Variants in CDC42BPG observed in about 807,000 individuals in gnomAD.
The protein encoded by CDC42BPG is serine/threonine-protein kinase MRCK gamma.
CDC42BPG carries 157 observed loss-of-function variants against 192.2 expected under a neutral mutation model. The ratio of observed to expected loss-of-function variants is 0.82; its 90% CI spans 0.72 to 0.93. CDC42BPG has a LOEUF of 0.93. Among genes scored for constraint, CDC42BPG ranks in the 40% least tolerant of loss-of-function variants. CDC42BPG has a pLI of 0.00. For missense variants in CDC42BPG, 1,992 were observed against 2,122.1 expected, an observed-to-expected ratio of 0.94 and a Z score of 1.20; for synonymous variants, 981 against 918.5, an observed-to-expected ratio of 1.07 and a Z score of -1.23.
At chr11:64,843,259 C>T (rs565447364) in intron 1 of CDC42BPG, among the ~76,000 whole-genome samples, 128 of 152,032 alleles carry the variant, frequency 8.4e-4, no homozygotes, top group Admixed American at 8.5e-4. Flanking sequence ...GCCCCCATGC[C>T]GGGGTCCCAG....
chr11:64,836,671 C>T, intron 11 of CDC42BPG, 68 bp downstream of exon 11: 1 of 1,064,996 alleles, frequency 9.4e-7, no homozygotes, highest in Non-Finnish European at 1.3e-6. Context: ...TTGTCCAGGG[C>T]AGGGCAGGAC....
In CDC42BPG at chr11:64,835,530, C is replaced by G. The variant is rs147422193; in HGVS notation, c.1850G>C (p.Arg617Pro). The G allele has an allele frequency of 6.3e-7, 1 of 1,594,806 alleles. No individual in the cohort carries two copies. Among genetic ancestry groups the G allele is most frequent in the Non-Finnish European group, 8.5e-7 (1 of 1,174,086 alleles). Residue 617 changes from arginine (R) to proline (P), a missense_variant, in exon 15 of 37, where the codon CGA becomes CCA. Coordinates refer to ENST00000342711, the MANE Select transcript of CDC42BPG (RefSeq NM_017525.3). ...AQLRKEVAAL[R>P]EQLEQAHSHR... ...GCTGTGGGCCTGCTCCAGCTGCTCTCGCAGGGCGGCCACCTCCTTCCTCAG... is the reference window on the plus strand; with the variant it reads ...GCTGTGGGCCTGCTCCAGCTGCTCTGGCAGGGCGGCCACCTCCTTCCTCAG...
In CDC42BPG at chr11:64,835,360, C is replaced by A. The variant is rs202075477; in HGVS notation, c.1940G>T (p.Arg647Leu). 5 of 1,614,010 alleles carry A rather than the reference C, an allele frequency of 3.1e-6. No homozygotes were observed. The South Asian group carries it at 5.5e-5, about 18-fold the overall frequency. ...QLQEENRRLS[R>L]EQERLEAELA... ...TACCCTGCTCACCCGCTCCTGCTCC[C>A]GGCTCAGCCTCCGGTTTTCCTCCTG... is the stretch of plus-strand genomic sequence containing the variant. Residue 647 changes from arginine to leucine, a missense_variant, in exon 16 of 37, where the codon CGG becomes CTG. Arg to Leu is a moderately radical substitution (Grantham distance 102, BLOSUM62 -2). Transcript: ENST00000342711.
Position 64,832,910 on chromosome 11 carries a change from G to A in CDC42BPG, c.2781C>T (p.Cys927=), listed in dbSNP as rs199644473. The part of the protein sequence containing the change: ...HTTCAPQAPP[C]PVPPDLLRTA... The stretch of plus-strand genomic sequence containing the variant: ...TGCGGAGGAGGTCAGGGGGCACGGG[G>A]CAGGGTGGGGCCTGTGGGGCACAGG... The change falls in exon 25 of 37, where the codon TGC becomes TGT. Residue 927 remains cysteine, a synonymous_variant. Transcript: ENST00000342711. The A allele has an allele frequency of 2.1e-4, 319 of 1,549,008 alleles. 2 individuals carry two copies. Among genetic ancestry groups the A allele is most frequent in the Middle Eastern group, 3.6e-4 (2 of 5,578 alleles).
At position 64,832,366 on chromosome 11, in the gene CDC42BPG, C is replaced by A; in HGVS notation, c.3087+62G>T. On this transcript the variant is annotated intron_variant, in intron 27 of 36. Transcript: ENST00000342711. ...GCAGTATGAAGTGGGGGGACAGTGG[C>A]CAGAGCTGGGACAGCATGGGGAGGT... The A allele has an allele frequency of 3.9e-6, 6 of 1,535,664 alleles. No homozygotes were observed. In the South Asian group the frequency reaches 7.0e-5, roughly 18 times the overall value.
chr11:64,840,114 C>A lies in CDC42BPG; in HGVS notation c.581+6G>T. 1 of 1,609,896 alleles carries A rather than the reference C, an allele frequency of 6.2e-7. No homozygotes were observed. The highest frequency in any genetic ancestry group is 8.5e-7 in the Non-Finnish European group (1 of 1,178,458). On this transcript the variant is annotated splice_donor_region_variant and intron_variant, in intron 5 of 36. Coordinates refer to ENST00000342711, the MANE Select transcript of CDC42BPG (RefSeq NM_017525.3). ...GTTGGGCAGGGCAGCGGGGTTGGGG[C>A]CCCACCTGTGGACATAACCCAGCTG...
chr11:64,834,272 G>C lies in CDC42BPG; in HGVS notation c.2407C>G (p.Pro803Ala). Residue 803 changes from proline (P) to alanine (A), a missense_variant, in exon 20 of 37, where the codon CCA becomes GCA. Pro to Ala is a conservative substitution (Grantham distance 27). Transcript: ENST00000342711. ...MLREELRARG[P>A]VDTKPSNSLI... ...GCAGTTGGCAGCCACTCACCCACTG[G>C]CCCTCGGGCCCGCAGCTCCTCCCGC... 6.4e-7 allele frequency: 1 copy of C among 1,570,428 alleles called. No individual in the cohort carries two copies. Among genetic ancestry groups the C allele is most frequent in the South Asian group, 1.2e-5 (1 of 86,714 alleles).
chr11:64,841,582 C>T, intron 3 of CDC42BPG, 68 bp downstream of exon 3: 3 of 1,394,842 alleles, frequency 2.2e-6, no homozygotes, highest in Non-Finnish European at 3.0e-6. Flanking sequence ...GCCATAGGCC[C>T]TGGCAGCATA....
At position 64,831,577 on chromosome 11, in the gene CDC42BPG, C is replaced by A; in HGVS notation, c.3232G>T (p.Val1078Leu). The A allele has an allele frequency of 6.2e-7, 1 of 1,612,550 alleles. No homozygotes were observed. The highest frequency in any genetic ancestry group is 2.2e-5 in the East Asian group (1 of 44,886). ...LLDARPRPRP[V>L]YTLKEAYDNG... ...TCGTAAGCCTCCTTGAGTGTGTACA[C>A]GGGCCGGGGTCTTGGCCGCGCGTCC... The change falls in exon 28 of 37, where the codon GTG (valine) becomes TTG (leucine). Residue 1078 changes from valine to leucine, a missense_variant. Around this residue, in one of 2 missense-constraint regions of CDC42BPG, gnomAD observed 1,656 missense variants for 1,844.3 expected, o/e 0.90. Transcript: ENST00000342711.
Position 64,833,580 on chromosome 11 carries a change from T to A in CDC42BPG, c.2625+20A>T, listed in dbSNP as rs1275444033. ...GAACTGCTTGGTGCCCCCACCCTGC[T>A]TGCCCCTCTGGGCACTGACCTTAGC... On this transcript the variant is annotated intron_variant, in intron 23 of 36. Transcript: ENST00000342711. 1 of 1,597,284 alleles carries A rather than the reference T, an allele frequency of 6.3e-7. No individual in the cohort carries two copies. The highest frequency in any genetic ancestry group is 1.7e-5 in the Admixed American group (1 of 57,212).
intron 24 of CDC42BPG, 23 bp downstream of exon 24, chr11:64,833,208 G>C (rs978307134): frequency 6.6e-7 from 1 of 1,512,432 alleles, no homozygotes; most frequent in Non-Finnish European, 9.0e-7. Flanking sequence ...CGTGGCTGGA[G>C]CATAGTGGGT....
Position 64,830,087 on chromosome 11 carries a change from G to T in CDC42BPG, c.3368-17C>A, listed in dbSNP as rs746562624. 6.2e-7 allele frequency: 1 copy of T among 1,612,560 alleles called. No homozygotes were observed. The highest frequency in any genetic ancestry group is 8.5e-7 in the Non-Finnish European group (1 of 1,179,468). The stretch of plus-strand genomic sequence containing the variant: ...GGAAGATGTCTGCAGGGTTGGCGAG[G>T]GGAGAGTGTCACTGGCAGGTGGTTG... On this transcript the variant is annotated splice_polypyrimidine_tract_variant and intron_variant, in intron 29 of 36. Transcript: ENST00000342711.
At position 64,826,430 on chromosome 11, in the gene CDC42BPG, G is replaced by A. The variant is rs761238022; in HGVS notation, c.4599+40C>T. On this transcript the variant is annotated intron_variant, in intron 36 of 36. Transcript: ENST00000342711. ...CTAGCATAAAACGGAACTGCCTGAC[G>A]TTTGAATAGGGGACGGACAAGCCTC... 88 of 1,438,470 alleles carry A rather than the reference G, an allele frequency of 6.1e-5. 1 individual carries two copies. The highest frequency in any genetic ancestry group is 7.7e-5 in the Non-Finnish European group (80 of 1,039,828). The allele number at this position is 1,438,470 out of a possible 1,614,324, so 89.1% of individuals were successfully genotyped here.
Position 64,835,361 on chromosome 11 carries a change from G to A in CDC42BPG, c.1939C>T (p.Arg647Trp), listed in dbSNP as rs140640111. 2.1e-4 allele frequency: 335 copies of A among 1,613,920 alleles called. No homozygotes were observed. Among genetic ancestry groups the A allele is most frequent in the African/African-American group, 3.9e-4 (29 of 75,026 alleles). ...QLQEENRRLS[R>W]EQERLEAELA... is the part of the protein sequence containing the mutation. ...ACCCTGCTCACCCGCTCCTGCTCCC[G>A]GCTCAGCCTCCGGTTTTCCTCCTGC... is the stretch of plus-strand genomic sequence containing the variant. The change falls in exon 16 of 37, where the codon CGG (arginine) becomes TGG (tryptophan). Residue 647 changes from arginine (R) to tryptophan (W), a missense_variant. Arg to Trp is a moderately radical substitution (Grantham distance 101). Coordinates refer to ENST00000342711, the MANE Select transcript of CDC42BPG (RefSeq NM_017525.3).
At chr11:64,836,887 A>C (rs1471381732) in intron 10 of CDC42BPG, 35 bp downstream of exon 10, 1 of 1,607,246 alleles carries the variant, frequency 6.2e-7, no homozygotes. Context: ...CCCTAGGGCC[A>C]GCACACCCAG....
rs1463536696 is a variant in CDC42BPG, at chr11:64,829,806, C to T, written c.3632G>A (p.Gly1211Asp). 1.2e-6 allele frequency: 2 copies of T among 1,602,284 alleles called. No individual in the cohort carries two copies. The highest frequency in any genetic ancestry group is 1.7e-6 in the Non-Finnish European group (2 of 1,176,302). ...GATGCGGCGCTGCCAGGGCCCAGGG[C>T]CCGGGCCCAGCTGGTAGCAGAGCAC... ...RQVLCYQLGP[G>D]PGPWQRRIRE... Residue 1211 changes from glycine (G) to aspartate (D), a missense_variant, in exon 30 of 37, where the codon GGC becomes GAC. Gly to Asp is a moderately conservative substitution (Grantham distance 94, BLOSUM62 -1). Coordinates refer to ENST00000342711, the MANE Select transcript of CDC42BPG (RefSeq NM_017525.3).
In CDC42BPG at chr11:64,835,503, T is replaced by G; in HGVS notation, c.1877A>C (p.His626Pro). The G allele has an allele frequency of 6.2e-7, 1 of 1,603,234 alleles. No homozygotes were observed. The highest frequency in any genetic ancestry group is 1.3e-5 in the African/African-American group (1 of 74,980). The change falls in exon 15 of 37, where the codon CAC becomes CCC. Residue 626 changes from histidine to proline, a missense_variant. His to Pro is a moderately conservative substitution (Grantham distance 77). Around this residue, in one of 2 missense-constraint regions of CDC42BPG, gnomAD observed 1,656 missense variants for 1,844.3 expected, o/e 0.90. Coordinates refer to ENST00000342711, the MANE Select transcript of CDC42BPG (RefSeq NM_017525.3). ...TGCCACCAGCTGCCTGGCTCACCTGTGGCTGTGGGCCTGCTCCAGCTGCTC... is the reference window on the plus strand; with the variant it reads ...TGCCACCAGCTGCCTGGCTCACCTGGGGCTGTGGGCCTGCTCCAGCTGCTC... ...LREQLEQAHS[H>P]RPSGKEEALC...
At position 64,836,775 on chromosome 11, in the gene CDC42BPG, G is replaced by A. The variant is rs749821930; in HGVS notation, c.1348C>T (p.Arg450Trp). 20 of 1,566,782 alleles carry A rather than the reference G, an allele frequency of 1.3e-5. No homozygotes were observed. The highest frequency in any genetic ancestry group is 1.9e-4 in the Middle Eastern group (1 of 5,286). Reference protein sequence around the residue: ...PTDHRELEQLRKEVQTLRDRL... With the variant: ...PTDHRELEQLWKEVQTLRDRL... The stretch of plus-strand genomic sequence containing the variant: ...TCCCGCAGAGTCTGCACTTCCTTCC[G>A]TAGCTGCTCCAGCTCCCGATGGTCT... The change falls in exon 11 of 37, where the codon CGG (arginine) becomes TGG (tryptophan). Residue 450 changes from arginine (R) to tryptophan (W), a missense_variant. Arg to Trp is a moderately radical substitution (Grantham distance 101). Transcript: ENST00000342711.
chr11:64,844,397 C>A lies in CDC42BPG; in HGVS notation c.160+13G>T. The A allele has an allele frequency of 2.1e-6, 3 of 1,425,810 alleles. No individual in the cohort carries two copies. Among genetic ancestry groups the A allele is most frequent in the Non-Finnish European group, 2.7e-6 (3 of 1,095,068 alleles). The allele number at this position is 1,425,810 out of a possible 1,614,324, so 88.3% of individuals were successfully genotyped here. Reference sequence around the variant, plus strand: ...CTAGGCCCGCCCCCGCTCCGTGCCGCCCCGCCACTCACCCCAGCTCAGGAA... The same window carrying A: ...CTAGGCCCGCCCCCGCTCCGTGCCGACCCGCCACTCACCCCAGCTCAGGAA... On this transcript the variant is annotated intron_variant, in intron 1 of 36. Coordinates refer to ENST00000342711, the MANE Select transcript of CDC42BPG (RefSeq NM_017525.3).
Sources: allele counts gnomAD v4.1 joint callset (sites outside exome capture counted in the v4.1 genomes callset), GRCh38; gene constraint gnomAD v4.1.1; regional missense constraint gnomAD v4.1.1; transcripts MANE v1.5; gene names NCBI Gene and HGNC (gene_info 2026-07-23, HGNC 2026-07-21).